CAP2: variants seen among roughly 807,000 people sequenced by gnomAD.
CAP2 encodes the protein cyclase associated actin cytoskeleton regulatory protein 2.
CAP2 carries 24 observed loss-of-function variants against 57.7 expected under a neutral mutation model. The ratio of observed to expected loss-of-function variants is 0.42; its 90% confidence interval spans 0.30 to 0.58. The LOEUF (loss-of-function observed/expected upper bound fraction) is 0.58. CAP2 is among the 20% of genes least tolerant of loss of function. CAP2 has a pLI of 0.22. For missense variants in CAP2, 501 were observed against 590.3 expected, an observed-to-expected ratio of 0.85 and a Z score of 1.57; for synonymous variants, 194 against 207.2, an observed-to-expected ratio of 0.94 and a Z score of 0.55.
intron 2 of CAP2, among the ~76,000 whole-genome samples, chr6:17,423,052 A>C (rs1339140132): frequency 6.6e-6 from 1 of 152,232 alleles, no homozygotes; most frequent in Non-Finnish European, 1.5e-5. Context: ...TGTTCTTGTC[A>C]CATGGGCACT....
At chr6:17,506,980 G>A (rs541212163) in intron 4 of CAP2, among the ~76,000 whole-genome samples, 189 bp from the exon 5 acceptor site, 1 of 152,278 alleles carries the variant, frequency 6.6e-6, no homozygotes, top group African/African-American at 2.4e-5. Context: ...TCATACTTCA[G>A]ACAGTAAAAG....
rs141910698 is a variant in CAP2 at position 17,406,128 on chromosome 6, C to T, written c.-2+12382C>T. On this transcript the variant is annotated intron_variant, in intron 1 of 12. Transcript: ENST00000229922. ...GTTCAGGGACTTGTGCTGGTTCATACACAGAGCCAGGGCATCCCCTTCTTT... is the reference window on the plus strand; with the variant it reads ...GTTCAGGGACTTGTGCTGGTTCATATACAGAGCCAGGGCATCCCCTTCTTT... 2.9e-3 allele frequency among the ~76,000 whole-genome samples: 440 copies of T among 152,214 alleles called. 5 individuals are homozygous for T. Among genetic ancestry groups the T allele is most frequent in the African/African-American group, 0.01 (424 of 41,524 alleles).
Position 17,542,556 on chromosome 6 carries a change from C to T in CAP2, c.1003-281C>T, listed in dbSNP as rs116494992. ...TCAAGTCCAGACTTGGCATCAAGGC[C>T]TCAACAAAAAGCTCTCACATCCCTG... On this transcript the variant is annotated intron_variant, in intron 9 of 12. Coordinates refer to ENST00000229922, the MANE Select transcript of CAP2 (RefSeq NM_006366.3). 6.8e-3 allele frequency among the ~76,000 whole-genome samples: 1,028 copies of T among 152,292 alleles called. 9 individuals carry two copies. The highest frequency in any genetic ancestry group is 0.011 in the Non-Finnish European group (724 of 68,024).
intron 4 of CAP2, among the ~76,000 whole-genome samples, chr6:17,483,728 G>A (rs1391181559): frequency 8.5e-5 from 13 of 152,156 alleles, no homozygotes; most frequent in East Asian, 1.9e-4. Context: ...CCTTCCAGAA[G>A]CCCAACCATC....
chr6:17,467,716 G>A (rs1760904433), intron 4 of CAP2, among the ~76,000 whole-genome samples: 1 of 152,090 alleles, frequency 6.6e-6, no homozygotes, highest in Non-Finnish European at 1.5e-5. Context: ...GAAGAGATGA[G>A]GTTTCACTAT....
rs146400517 is a variant in CAP2, at chr6:17,439,667, G to T, written c.222+12977G>T. 7.1e-4 allele frequency among the ~76,000 whole-genome samples: 107 copies of T among 151,606 alleles called. 6 individuals carry two copies. The highest frequency in any genetic ancestry group is 2.2e-3 in the African/African-American group (89 of 40,972). On this transcript the variant is annotated intron_variant, in intron 3 of 12. Transcript: ENST00000229922. ...ACAGATCATCAGGCATTATATTCTCGTAAGGAGCACACAACCTAGATCCCT... is the reference window on the plus strand; with the variant it reads ...ACAGATCATCAGGCATTATATTCTCTTAAGGAGCACACAACCTAGATCCCT...
intron 3 of CAP2, among the ~76,000 whole-genome samples, chr6:17,436,284 A>G (rs73369412): frequency 0.092 from 14,004 of 151,820 alleles, 2,125 homozygotes; most frequent in African/African-American, 0.32. Context: ...CCACCCTTCC[A>G]GCTAATTTGT....
rs186270649 is a variant in CAP2, at chr6:17,393,752, C to A, written c.-2+6C>A. 6.6e-6 allele frequency: 1 copy of A among 151,862 alleles called. No homozygotes were observed. The highest frequency in any genetic ancestry group is 2.0e-4 in the East Asian group (1 of 5,118). The allele number at this position is 151,862 out of a possible 1,614,324, so 9.4% of individuals were successfully genotyped here. A position where few individuals can be genotyped will look rare whatever the true frequency, so the allele number is the denominator to read the frequency against. On this transcript the variant is annotated splice_donor_region_variant and intron_variant, in intron 1 of 12. Transcript: ENST00000229922. ...ACCCCAGGGCAGCGAAGCAGGTAAT[C>A]CTGCAGCGGTCGGGGCCCGGCGAGG...
intron 3 of CAP2, among the ~76,000 whole-genome samples, chr6:17,441,484 A>G (rs948421641): frequency 6.6e-6 from 1 of 151,512 alleles, no homozygotes; most frequent in Admixed American, 6.6e-5. Flanking sequence ...TGAAAACAAA[A>G]TTGTCGTTTT....
intron 4 of CAP2, among the ~76,000 whole-genome samples, chr6:17,477,876 C>T (rs1761189950): frequency 6.6e-6 from 1 of 151,792 alleles, no homozygotes; most frequent in South Asian, 2.1e-4. Flanking sequence ...TTAATGATTA[C>T]AATTTTTAAC....
At position 17,394,113 on chromosome 6, in the gene CAP2, G is replaced by A. The variant is rs1052323232; in HGVS notation, c.-2+367G>A. Among the ~76,000 whole-genome samples the A allele has an allele frequency of 1.9e-4, 29 of 149,760 alleles. 1 individual carries two copies. Among genetic ancestry groups the A allele is most frequent in the Admixed American group, 2.7e-4 (4 of 15,092 alleles). On this transcript the variant is annotated intron_variant, in intron 1 of 12. Coordinates refer to ENST00000229922, the MANE Select transcript of CAP2 (RefSeq NM_006366.3). ...CCCACCCCAGCGCCGCCGCCCGCCC[G>A]GCCGCTCTAACTTTGGGGGGTCTCG...
At chr6:17,406,167 C>T (rs1325813382) in intron 1 of CAP2, among the ~76,000 whole-genome samples, 1 of 152,130 alleles carries the variant, frequency 6.6e-6, no homozygotes, top group Non-Finnish European at 1.5e-5. Context: ...TCTCGTCTCT[C>T]TGGGATTCTC....
At chr6:17,531,564 C>T (rs1762640544) in intron 7 of CAP2, 20 of 1,540,236 alleles carry the variant, frequency 1.3e-5, no homozygotes, top group Middle Eastern at 1.9e-4. Flanking sequence ...TTCAGCTCTG[C>T]GAAATTCCTT....
intron 4 of CAP2, among the ~76,000 whole-genome samples, chr6:17,487,456 T>G (rs748701141): frequency 9.7e-5 from 11 of 113,490 alleles, no homozygotes; most frequent in South Asian, 4.3e-4. Context: ...CAGGTGGGTT[T>G]GTTTGTTTGT....
intron 7 of CAP2, among the ~76,000 whole-genome samples, chr6:17,522,485 TAG>T (rs1421842798): frequency 6.6e-6 from 1 of 152,212 alleles, no homozygotes; most frequent in Admixed American, 6.5e-5. Context: ...CCTTGTGAAT[TAG>T]ACTCCTTCCT....
chr6:17,441,245 T>C (rs1157234911), intron 3 of CAP2, among the ~76,000 whole-genome samples: 1 of 151,478 alleles, frequency 6.6e-6, no homozygotes, highest in Non-Finnish European at 1.5e-5. Flanking sequence ...CATGTTTCTT[T>C]CAAGATGTTT....
At chr6:17,393,853 A>C (rs1758600564) in intron 1 of CAP2, 107 bp downstream of exon 1, 1 of 145,586 alleles carries the variant, frequency 6.9e-6, no homozygotes, top group South Asian at 2.0e-4. Flanking sequence ...TGGGTGGGGT[A>C]GGGAAGCGGC....
intron 3 of CAP2, among the ~76,000 whole-genome samples, chr6:17,444,487 A>T (rs1760189953): frequency 6.6e-6 from 1 of 151,968 alleles, no homozygotes; most frequent in South Asian, 2.1e-4. Context: ...AAATACAAAA[A>T]TTAACTGGGT....
intron 4 of CAP2, among the ~76,000 whole-genome samples, chr6:17,476,864 C>CTTTTTTTTTTTTTTT (rs67003718): frequency 4.1e-5 from 3 of 72,404 alleles, no homozygotes; most frequent in African/African-American, 6.9e-5. Flanking sequence ...TTTCTTACTT[C>CTTTTTTTTTTTTTTT]TTTTTTTTTT....
Sources: allele counts gnomAD v4.1 joint callset (sites outside exome capture counted in the v4.1 genomes callset), GRCh38; gene constraint gnomAD v4.1.1; transcripts MANE v1.5; gene names NCBI Gene and HGNC (gene_info 2026-07-23, HGNC 2026-07-21).